Variants in EVA1A observed in about 807,000 individuals in gnomAD.
The protein encoded by EVA1A is protein eva-1 homolog A.
EVA1A carries 7 observed loss-of-function variants against 9.8 expected under a neutral mutation model. The ratio of observed to expected loss-of-function variants is 0.71; its 90% confidence interval spans 0.41 to 1.34. The LOEUF (loss-of-function observed/expected upper bound fraction) is 1.34, where lower values mean the gene tolerates loss of function less well. Among genes scored for constraint, EVA1A ranks in the 40% most tolerant of loss-of-function variants. The probability of loss-of-function intolerance (pLI) is 0.01; values close to 1 mark genes in which losing one functional copy is unlikely to be tolerated. For synonymous variants in EVA1A, 90 were observed against 85.6 expected, an observed-to-expected ratio of 1.05 and a Z score of -0.28; for missense variants, 206 against 205.9, an observed-to-expected ratio of 1.00 and a Z score of 0.00.
At chr2:75,560,501 C>T (rs1388827140) in intron 1 of EVA1A, among the ~76,000 whole-genome samples, 179 bp downstream of exon 1, 1 of 152,186 alleles carries the variant, frequency 6.6e-6, no homozygotes, top group Non-Finnish European at 1.5e-5. Flanking sequence ...CGCTGGGAAG[C>T]AGAGTTCCCT....
At chr2:75,565,051 A>C (rs913249934), upstream of EVA1A, among the ~76,000 whole-genome samples, 1 of 152,158 alleles carries the variant, frequency 6.6e-6, no homozygotes, top group Non-Finnish European at 1.5e-5. Context: ...ATATGTCCCG[A>C]TATGTCCTCA....
At chr2:75,545,730 T>G (rs1558689890) in intron 1 of EVA1A, among the ~76,000 whole-genome samples, 1 of 152,160 alleles carries the variant, frequency 6.6e-6, no homozygotes, top group Non-Finnish European at 1.5e-5. Context: ...GAAGCTCCTA[T>G]TAATACAGGC....
At chr2:75,528,691 G>A (rs1675540257) in intron 1 of EVA1A, among the ~76,000 whole-genome samples, 1 of 152,088 alleles carries the variant, frequency 6.6e-6, no homozygotes, top group African/African-American at 2.4e-5. Flanking sequence ...TACCCACCTT[G>A]GTAGCTGAAG....
intron 3 of EVA1A, among the ~76,000 whole-genome samples, chr2:75,504,866 T>A (rs1674558188): frequency 6.6e-6 from 1 of 152,138 alleles, no homozygotes; most frequent in Non-Finnish European, 1.5e-5. Flanking sequence ...GAAACCTAGA[T>A]AACAGGTTGC....
chr2:75,560,288 C>G (rs1484408645), intron 1 of EVA1A, among the ~76,000 whole-genome samples: 2 of 152,182 alleles, frequency 1.3e-5, no homozygotes, highest in East Asian at 3.9e-4. Flanking sequence ...GGCAGGTCCG[C>G]CCCGCGCAGG....
At chr2:75,539,981 T>G (rs977379972) in intron 1 of EVA1A, among the ~76,000 whole-genome samples, 1 of 152,132 alleles carries the variant, frequency 6.6e-6, no homozygotes, top group Non-Finnish European at 1.5e-5. Context: ...ATGGAGGAGA[T>G]GCAGACATTG....
chr2:75,559,479 A>G (rs911766635), intron 1 of EVA1A, among the ~76,000 whole-genome samples: 1 of 152,174 alleles, frequency 6.6e-6, no homozygotes, highest in Non-Finnish European at 1.5e-5. Flanking sequence ...GCCTTTATGG[A>G]AAGGAGATTC....
intron 3 of EVA1A, among the ~76,000 whole-genome samples, chr2:75,500,716 C>T (rs1314652474): frequency 6.6e-6 from 1 of 151,888 alleles, no homozygotes; most frequent in East Asian, 1.9e-4. Flanking sequence ...CCCTTTCTTT[C>T]CCTCTCTCCC....
intron 1 of EVA1A, among the ~76,000 whole-genome samples, chr2:75,529,738 C>G (rs1675577742): frequency 6.6e-6 from 1 of 152,080 alleles, no homozygotes; most frequent in South Asian, 2.1e-4. Flanking sequence ...CTGGATACAG[C>G]AAAAGTGGTG....
upstream of EVA1A, among the ~76,000 whole-genome samples, chr2:75,564,804 T>C (rs12328165): frequency 0.016 from 2,440 of 152,298 alleles, 68 homozygotes; most frequent in African/African-American, 0.057. Context: ...AATTTGATGA[T>C]TTTACACAAG....
chr2:75,495,792 G>T (rs557318148), intron 3 of EVA1A, among the ~76,000 whole-genome samples: 14 of 152,184 alleles, frequency 9.2e-5, no homozygotes, highest in African/African-American at 2.9e-4. Context: ...AAAAAATATT[G>T]TCCAAATATG....
In EVA1A at chr2:75,527,309, G is replaced by C. The variant is rs1439689183; in HGVS notation, c.-191-4822C>G. On this transcript the variant is annotated intron_variant, in intron 1 of 3. Transcript: ENST00000393913. The stretch of plus-strand genomic sequence containing the variant: ...AGAGAAGGCACAAGGGGAGAGATGA[G>C]ACTTTCATCTGAGATTGCTAGTAAT... Among the ~76,000 whole-genome samples, 3 of 152,186 alleles carry C rather than the reference G, an allele frequency of 2.0e-5. No homozygotes were observed. The East Asian group carries it at 5.8e-4, about 29-fold the overall frequency.
At chr2:75,516,492 A>G (rs1157007968) in intron 3 of EVA1A, among the ~76,000 whole-genome samples, 2 of 152,174 alleles carry the variant, frequency 1.3e-5, no homozygotes, top group East Asian at 3.8e-4. Flanking sequence ...TGGAGGGGAG[A>G]GAAAAACAGG....
intron 3 of EVA1A, among the ~76,000 whole-genome samples, chr2:75,502,420 T>C (rs1395778617): frequency 6.6e-6 from 1 of 152,234 alleles, no homozygotes; most frequent in Non-Finnish European, 1.5e-5. Context: ...GCTTGAGCTA[T>C]ACTCCTTCTA....
At chr2:75,506,850 A>G (rs1156371653) in intron 3 of EVA1A, among the ~76,000 whole-genome samples, 1 of 152,176 alleles carries the variant, frequency 6.6e-6, no homozygotes, top group Non-Finnish European at 1.5e-5. Flanking sequence ...CCTGGGACTG[A>G]GGAAGCCCCA....
chr2:75,540,414 A>C (rs759256), intron 1 of EVA1A, among the ~76,000 whole-genome samples: 71,796 of 152,030 alleles, frequency 0.47, 19,178 homozygotes, highest in African/African-American at 0.74. Flanking sequence ...TCCAAATGAG[A>C]AGCACATCTG....
At chr2:75,560,359 G>C (rs887280608) in intron 1 of EVA1A, among the ~76,000 whole-genome samples, 2 of 152,238 alleles carry the variant, frequency 1.3e-5, no homozygotes, top group South Asian at 4.1e-4. Context: ...AGAAGCGCTA[G>C]ATTTGGGAAC....
chr2:75,499,467 CCTAGTT>C (rs1365063224), intron 3 of EVA1A, among the ~76,000 whole-genome samples: 1 of 152,092 alleles, frequency 6.6e-6, no homozygotes, highest in African/African-American at 2.4e-5. Context: ...CTTCACAAAA[CCTAGTT>C]CTAGTGATAA....
At chr2:75,516,063 G>A (rs903650485) in intron 3 of EVA1A, among the ~76,000 whole-genome samples, 7 of 152,228 alleles carry the variant, frequency 4.6e-5, no homozygotes, top group African/African-American at 1.7e-4. Flanking sequence ...GAGAAAATAC[G>A]AGGGGCCAGG....
Sources: gnomAD v4.1 joint callset for allele counts (sites outside exome capture counted in the v4.1 genomes callset) on GRCh38, gnomAD v4.1.1 for gene constraint, MANE v1.5 for transcripts, NCBI Gene and HGNC (gene_info 2026-07-23, HGNC 2026-07-21) for gene names.